Variants in SLIT1 observed in about 807,000 individuals in gnomAD.
SLIT1 encodes the protein slit guidance ligand 1.
A neutral mutation model predicts 186.1 loss-of-function variants in SLIT1; 66 were observed. That is an observed-to-expected ratio of 0.35 (90% CI 0.29 to 0.44). The LOEUF is 0.44. Ranked by LOEUF, SLIT1 falls within the 20% of genes least tolerant of loss-of-function variation. The pLI, the probability that SLIT1 is intolerant of heterozygous loss-of-function variation, is 1.00. For synonymous variants in SLIT1, 761 were observed against 833.8 expected (o/e 0.91, Z 1.50); for missense variants, 1,638 against 2,037.4 (o/e 0.80, Z 3.77).
At chr10:97,109,804 C>A (rs1244814769) in intron 4 of SLIT1, among the ~76,000 whole-genome samples, 1 of 152,166 alleles carries the variant, frequency 6.6e-6, no homozygotes, top group Non-Finnish European at 1.5e-5. Flanking sequence ...CGCCGACAAA[C>A]CTCTCAGTCC....
rs1446497769 is a variant in SLIT1, at chr10:96,999,344, T to TTGAG, written c.*1764_*1767dup. 3 of 152,278 alleles carry TTGAG rather than the reference T, an allele frequency of 2.0e-5. No individual in the cohort carries two copies. The highest frequency in any genetic ancestry group is 3.9e-4 in the East Asian group (2 of 5,188). 9.4% of individuals were successfully genotyped at this position (152,278 alleles called of 1,614,324 possible). ...GACCCCAGGACTCACAGTTGCTAGA[T>TTGAG]TGAGTCCCCATGGCATGAGACATGC... On this transcript the variant is annotated 3_prime_UTR_variant, in exon 37 of 37. Transcript: ENST00000266058.
intron 4 of SLIT1, among the ~76,000 whole-genome samples, chr10:97,066,604 C>T (rs1224925283): frequency 6.6e-6 from 1 of 152,094 alleles, no homozygotes; most frequent in Admixed American, 6.5e-5. Flanking sequence ...TCCATTCTCC[C>T]TCTCCTTCAC....
chr10:97,166,557 A>AAGAAAGAGAG (rs1850113231), intron 1 of SLIT1, among the ~76,000 whole-genome samples: 5 of 55,194 alleles, frequency 9.1e-5, no homozygotes, highest in African/African-American at 2.9e-4. Flanking sequence ...GAAGGAAGGA[A>AAGAAAGAGAG]AGAGAGAGAG....
chr10:97,006,049 A>G lies in SLIT1; in HGVS notation c.3579+434T>C, dbSNP rs1848357141. Among the ~76,000 whole-genome samples the G allele has an allele frequency of 6.6e-6, 1 of 152,184 alleles. No individual in the cohort carries two copies. The highest frequency in any genetic ancestry group is 2.4e-5 in the African/African-American group (1 of 41,426). Reference sequence around the variant, plus strand: ...TTCCCCTCAACATGAAGATGTTCTGAGATGGAACTGAAGGCATGAAAAGGA... The same window carrying G: ...TTCCCCTCAACATGAAGATGTTCTGGGATGGAACTGAAGGCATGAAAAGGA... On this transcript the variant is annotated intron_variant, in intron 32 of 36. Coordinates refer to ENST00000266058, the MANE Select transcript of SLIT1 (RefSeq NM_003061.3). The surrounding 1 kb of genome is among the most constrained non-coding windows in gnomAD (Gnocchi z 4.0).
intron 21 of SLIT1, 27 bp from the exon 22 acceptor site, chr10:97,037,793 T>C (rs772764524): frequency 6.3e-7 from 1 of 1,584,240 alleles, no homozygotes. Flanking sequence ...GCGGCGTTAG[T>C]GCCCATCTCC....
Position 97,033,955 on chromosome 10 carries a change from C to G in SLIT1, c.2438+516G>C, listed in dbSNP as rs372134311. On this transcript the variant is annotated intron_variant, in intron 23 of 36. Transcript: ENST00000266058. ...TCTTGGCTCACTGCAAGCTCCACCT[C>G]CCAGGTTCACGCGATTCTCCTGCCT... is the stretch of plus-strand genomic sequence containing the variant. Among the ~76,000 whole-genome samples the G allele has an allele frequency of 1.1e-4, 16 of 151,566 alleles. No individual in the cohort carries two copies. In the East Asian group the frequency reaches 2.7e-3, roughly 26 times the overall value.
chr10:97,048,863 G>T (rs1264758733), intron 14 of SLIT1, 92 bp downstream of exon 14: 3 of 1,349,918 alleles, frequency 2.2e-6, no homozygotes, highest in Non-Finnish European at 3.1e-6. Flanking sequence ...AGGTGGGCAG[G>T]TGGGCAGGTA....
intron 1 of SLIT1, among the ~76,000 whole-genome samples, chr10:97,177,027 C>T (rs1392003343): frequency 3.3e-5 from 5 of 152,176 alleles, no homozygotes; most frequent in Admixed American, 2.6e-4. Flanking sequence ...TCCAAATCAC[C>T]GGAATCGCCT....
rs1476496391 is a variant in SLIT1, at chr10:97,001,142, G to A, written c.4575C>T (p.Pro1525=). 1 of 1,613,108 alleles carries A rather than the reference G, an allele frequency of 6.2e-7. No homozygotes were observed. Among genetic ancestry groups the A allele is most frequent in the East Asian group, 2.2e-5 (1 of 44,882 alleles). ...GTSFAEEVEK[P]TKCGCALCA ...CGCAGAGGGCACAGCCACACTTGGTGGGCTTTTCCACCTCCTCGGCAAAAG... is the reference window on the plus strand; with the variant it reads ...CGCAGAGGGCACAGCCACACTTGGTAGGCTTTTCCACCTCCTCGGCAAAAG... Residue 1525 remains proline (P), a synonymous_variant, in exon 37 of 37, where the codon CCC becomes CCT. Transcript: ENST00000266058.
At chr10:97,107,549 C>A (rs1389044259) in intron 4 of SLIT1, among the ~76,000 whole-genome samples, 1 of 152,186 alleles carries the variant, frequency 6.6e-6, no homozygotes, top group African/African-American at 2.4e-5. Flanking sequence ...TCTCAAAGAC[C>A]TTTCTCTTTA....
intron 2 of SLIT1, 33 bp from the exon 3 acceptor site, chr10:97,163,484 G>A: frequency 6.3e-7 from 1 of 1,598,194 alleles, no homozygotes. Flanking sequence ...ACAGCTACAG[G>A]GTGTGGGACA....
Position 97,004,138 on chromosome 10 carries a change from C to T in SLIT1, c.3795G>A (p.Gly1265=). Residue 1265 remains glycine (G), a synonymous_variant, in exon 34 of 37, where the codon GGG becomes GGA. Coordinates refer to ENST00000266058, the MANE Select transcript of SLIT1 (RefSeq NM_003061.3). This position sits in a 1 kb window ranked among gnomAD's most constrained non-coding sequence, Gnocchi z 5.1. ...DQMVNLSIDG[G]SPMTMDNFGK... ...CAAAGTTGTCCATGGTCATGGGGCTCCCGCCATCAATGGAGAGATTCACCA... is the reference window on the plus strand; with the variant it reads ...CAAAGTTGTCCATGGTCATGGGGCTTCCGCCATCAATGGAGAGATTCACCA... 1 of 1,613,970 alleles carries T rather than the reference C, an allele frequency of 6.2e-7. No individual in the cohort carries two copies. The highest frequency in any genetic ancestry group is 8.5e-7 in the Non-Finnish European group (1 of 1,179,824).
At position 97,043,542 on chromosome 10, in the gene SLIT1, G is replaced by T; in HGVS notation, c.1854-29C>A. 6.3e-7 allele frequency: 1 copy of T among 1,596,950 alleles called. No individual in the cohort carries two copies. The highest frequency in any genetic ancestry group is 8.6e-7 in the Non-Finnish European group (1 of 1,168,428). ...GGGAGGAACGGGGGAGGGAGGAGGG[G>T]ACCCTTGCTGCCCTGCCAGCCATCC... On this transcript the variant is annotated intron_variant, in intron 18 of 36. Transcript: ENST00000266058. The surrounding 1 kb of genome is among the most constrained non-coding windows in gnomAD (Gnocchi z 7.0).
chr10:97,030,377 C>T (rs1848580165), intron 25 of SLIT1, among the ~76,000 whole-genome samples: 1 of 152,198 alleles, frequency 6.6e-6, no homozygotes, highest in Non-Finnish European at 1.5e-5. Context: ...AACCTCACCA[C>T]CCTGCAGCTG....
chr10:97,143,701 A>G (rs1849787982), intron 4 of SLIT1, among the ~76,000 whole-genome samples: 1 of 152,182 alleles, frequency 6.6e-6, no homozygotes, highest in African/African-American at 2.4e-5. Context: ...GTTTCAGTGG[A>G]GCAGAACCGA....
chr10:97,076,352 G>A (rs1433983866), intron 4 of SLIT1, among the ~76,000 whole-genome samples: 1 of 152,180 alleles, frequency 6.6e-6, no homozygotes, highest in Admixed American at 6.5e-5. Context: ...GGCTTGGCAG[G>A]AGGGAGGCTA....
intron 4 of SLIT1, among the ~76,000 whole-genome samples, chr10:97,123,897 C>G (rs1269204681): frequency 6.6e-6 from 1 of 151,982 alleles, no homozygotes; most frequent in East Asian, 1.9e-4. Flanking sequence ...CACGGCAAAG[C>G]CACAAAGCCT....
intron 4 of SLIT1, chr10:97,154,974 G>C (rs1203484748): frequency 1.3e-5 from 2 of 152,194 alleles, no homozygotes; most frequent in African/African-American, 4.8e-5. Flanking sequence ...TTTCCAACCT[G>C]TCTCGCTGGC....
At chr10:97,098,093 C>T (rs2134668077) in intron 4 of SLIT1, among the ~76,000 whole-genome samples, 1 of 152,346 alleles carries the variant, frequency 6.6e-6, no homozygotes, top group South Asian at 2.1e-4. Context: ...CTTGAACCAT[C>T]ATAGCTGGAA....
Sources: gnomAD v4.1 joint callset for allele counts (sites outside exome capture counted in the v4.1 genomes callset) on GRCh38, gnomAD v4.1.1 for gene constraint, Gnocchi (gnomAD v3.1) non-coding constraint, MANE v1.5 for transcripts, NCBI Gene and HGNC (gene_info 2026-07-23, HGNC 2026-07-21) for gene names.